The following PSMD3 variants were observed in gnomAD, a reference collection of about 807,000 sequenced individuals.
The protein encoded by PSMD3 is proteasome 26S subunit, non-ATPase 3.
In PSMD3, 5 loss-of-function variants were observed where a neutral mutation model predicts 62.8. That is an observed-to-expected ratio of 0.08 (90% confidence interval 0.04 to 0.17). The LOEUF is 0.17. Among genes scored for constraint, PSMD3 ranks in the 10% least tolerant of loss-of-function variants. The probability of loss-of-function intolerance (pLI) is 1.00; values close to 1 mark genes in which losing one functional copy is unlikely to be tolerated. For synonymous variants in PSMD3, 265 were observed against 283.9 expected, an observed-to-expected ratio of 0.93 and a Z score of 0.67; for missense variants, 524 against 713.6, an observed-to-expected ratio of 0.73 and a Z score of 3.03.
intron 4 of PSMD3, 39 bp from the exon 5 acceptor site, chr17:39,989,700 T>C (rs1980608177): frequency 6.3e-7 from 1 of 1,580,838 alleles, no homozygotes; most frequent in Admixed American, 1.7e-5. Context: ...CAGAGAGTTG[T>C]GATTTGAAGG....
At position 39,995,666 on chromosome 17, in the gene PSMD3, G is replaced by C. The variant is rs1980765141; in HGVS notation, c.1320+139G>C. 1.2e-6 allele frequency: 1 copy of C among 825,978 alleles called. No individual in the cohort carries two copies. The highest frequency in any genetic ancestry group is 1.7e-5 in the African/African-American group (1 of 58,870). 51.2% of individuals were successfully genotyped at this position (825,978 alleles called of 1,614,324 possible). A position where few individuals can be genotyped will look rare whatever the true frequency, so the allele number is the denominator to read the frequency against. On this transcript the variant is annotated intron_variant, in intron 9 of 11. Coordinates refer to ENST00000264639, the MANE Select transcript of PSMD3 (RefSeq NM_002809.4). The surrounding 1 kb of genome is among the most constrained non-coding windows in gnomAD (Gnocchi z 4.1). ...TCATTTCAGGGCGTGCCCGTCATTTGCAGTGAAGCCAAGAAGTTGCCAGAG... is the reference window on the plus strand; with the variant it reads ...TCATTTCAGGGCGTGCCCGTCATTTCCAGTGAAGCCAAGAAGTTGCCAGAG...
chr17:39,988,185 A>G (rs1980571191), intron 3 of PSMD3, among the ~76,000 whole-genome samples: 1 of 152,016 alleles, frequency 6.6e-6, no homozygotes, highest in African/African-American at 2.4e-5. Context: ...ATTCCAGAAC[A>G]TTTTCATCAC....
rs548286285 is a variant in PSMD3, at chr17:39,988,010, G to A, written c.550-673G>A. Among the ~76,000 whole-genome samples the A allele has an allele frequency of 2.6e-5, 4 of 152,358 alleles. No individual in the cohort carries two copies. The South Asian group carries it at 8.3e-4, about 32-fold the overall frequency. On this transcript the variant is annotated intron_variant, in intron 3 of 11. Coordinates refer to ENST00000264639, the MANE Select transcript of PSMD3 (RefSeq NM_002809.4). ...TAGACCCAGCTACTCAGAAGGCTGAGGCAGGGGAATTGCTTGAACCAGGGA... is the reference window on the plus strand; with the variant it reads ...TAGACCCAGCTACTCAGAAGGCTGAAGCAGGGGAATTGCTTGAACCAGGGA...
In PSMD3 at chr17:39,995,315, G is replaced by C; in HGVS notation, c.1216+20G>C. 1 of 1,614,056 alleles carries C rather than the reference G, an allele frequency of 6.2e-7. No individual in the cohort carries two copies. Among genetic ancestry groups the C allele is most frequent in the Non-Finnish European group, 8.5e-7 (1 of 1,180,004 alleles). Reference sequence around the variant, plus strand: ...AGACAGGTGTGGATCAGGATCTGAGGGGCTGTTGGAGGAGCAGAAGCCAGG... The same window carrying C: ...AGACAGGTGTGGATCAGGATCTGAGCGGCTGTTGGAGGAGCAGAAGCCAGG... On this transcript the variant is annotated intron_variant, in intron 8 of 11. Transcript: ENST00000264639. The surrounding 1 kb of genome is among the most constrained non-coding windows in gnomAD (Gnocchi z 4.1).
chr17:39,990,735 C>T (rs1980636531), intron 6 of PSMD3, among the ~76,000 whole-genome samples: 2 of 152,288 alleles, frequency 1.3e-5, no homozygotes, highest in South Asian at 2.1e-4. Context: ...TCATTCCAGG[C>T]TTGGACCTAG....
chr17:39,987,442 G>A (rs1398943389), intron 3 of PSMD3, among the ~76,000 whole-genome samples: 1 of 152,132 alleles, frequency 6.6e-6, no homozygotes, highest in East Asian at 1.9e-4. Context: ...GACCTCCCCG[G>A]CTTAAGTGAT....
intron 6 of PSMD3, among the ~76,000 whole-genome samples, chr17:39,991,591 A>G (rs1980655983): frequency 6.6e-6 from 1 of 152,196 alleles, no homozygotes; most frequent in Non-Finnish European, 1.5e-5. Flanking sequence ...CTCTGCTCCT[A>G]CCTTCACACA....
intron 6 of PSMD3, among the ~76,000 whole-genome samples, chr17:39,990,621 G>C (rs1443715716): frequency 6.6e-6 from 1 of 152,080 alleles, no homozygotes; most frequent in African/African-American, 2.4e-5. Context: ...TCTATTTGTG[G>C]GTGTCAATGA....
At chr17:39,993,097 C>G (rs8073254) in intron 6 of PSMD3, 84,794 of 152,076 alleles carry the variant, frequency 0.56, 23,859 homozygotes, top group Middle Eastern at 0.73. Flanking sequence ...CTAAGTCCAA[C>G]AGCAAAGTGT....
chr17:39,990,253 G>A (rs1209411557), intron 6 of PSMD3, 56 bp downstream of exon 6: 8 of 1,348,276 alleles, frequency 5.9e-6, no homozygotes, highest in South Asian at 1.3e-5. Flanking sequence ...TTTTTAAATG[G>A]TGTCTTGCTA....
intron 6 of PSMD3, among the ~76,000 whole-genome samples, chr17:39,991,068 TC>T (rs140705438): frequency 0.027 from 4,044 of 152,290 alleles, 197 homozygotes; most frequent in African/African-American, 0.093. Context: ...AACCTCTGCC[TC>T]CCGAGTTCAA....
At chr17:39,991,735 A>G (rs550288431) in intron 6 of PSMD3, among the ~76,000 whole-genome samples, 3 of 152,336 alleles carry the variant, frequency 2.0e-5, no homozygotes, top group Admixed American at 6.5e-5. Context: ...ATAATGAAAG[A>G]GAAAGGGTCT....
At position 39,995,056 on chromosome 17, in the gene PSMD3, C is replaced by T; in HGVS notation, c.1084C>T (p.Leu362Phe). The T allele has an allele frequency of 6.2e-7, 1 of 1,614,174 alleles. No homozygotes were observed. The highest frequency in any genetic ancestry group is 8.5e-7 in the Non-Finnish European group (1 of 1,180,038). The change falls in exon 7 of 12, where the codon CTT (leucine) becomes TTT (phenylalanine). Residue 362 changes from leucine to phenylalanine, a missense_variant. By Grantham distance (22) the Leu-to-Phe change is conservative. Transcript: ENST00000264639. This position sits in a 1 kb window ranked among gnomAD's most constrained non-coding sequence, Gnocchi z 4.1. Reference protein sequence around the residue: ...SLKRSLMPYFLLTQAVRTGNL... With the variant: ...SLKRSLMPYFFLTQAVRTGNL... ...CAAGCGCTCACTCATGCCCTATTTC[C>T]TTCTGACTCAAGGTAAGGCTGGCTT...
Position 39,995,240 on chromosome 17 carries a change from A to G in PSMD3, c.1161A>G (p.Gln387=). Residue 387 remains glutamine, a synonymous_variant, in exon 8 of 12, where the codon CAA becomes CAG. Transcript: ENST00000264639. This position sits in a 1 kb window ranked among gnomAD's most constrained non-coding sequence, Gnocchi z 4.1. ...TGGATCAGTTTGGGGAGAAGTTTCA[A>G]GCAGATGGGACCTACACCCTAATTA... is the stretch of plus-strand genomic sequence containing the variant. ...QVLDQFGEKF[Q]ADGTYTLIIR... The G allele has an allele frequency of 6.2e-7, 1 of 1,614,124 alleles. No individual in the cohort carries two copies. Among genetic ancestry groups the G allele is most frequent in the Non-Finnish European group, 8.5e-7 (1 of 1,180,026 alleles).
At chr17:39,986,837 T>G (rs1980537885) in intron 3 of PSMD3, 125 bp downstream of exon 3, 2 of 1,295,384 alleles carry the variant, frequency 1.5e-6, no homozygotes, top group African/African-American at 2.9e-5. Context: ...CCCACACTCT[T>G]TCCCCATAGA....
At chr17:39,987,487 C>T (rs552429359) in intron 3 of PSMD3, among the ~76,000 whole-genome samples, 48 of 152,328 alleles carry the variant, frequency 3.2e-4, no homozygotes, top group African/African-American at 1.1e-3. Context: ...GCTGGGACTA[C>T]AGGCATGTGC....
chr17:39,990,323 A>T, intron 6 of PSMD3, 126 bp downstream of exon 6: 1 of 803,798 alleles, frequency 1.2e-6, no homozygotes. Flanking sequence ...TCAGCTTCCC[A>T]AAGTGCTGGG....
intron 4 of PSMD3, among the ~76,000 whole-genome samples, 200 bp downstream of exon 4, chr17:39,989,019 G>A (rs1980592265): frequency 6.6e-6 from 1 of 152,264 alleles, no homozygotes; most frequent in Non-Finnish European, 1.5e-5. Context: ...TCACTGCTGG[G>A]CTGTAAAGAA....
chr17:39,989,672 G>T, intron 4 of PSMD3, 67 bp from the exon 5 acceptor site: 1 of 1,432,586 alleles, frequency 7.0e-7, no homozygotes, highest in Non-Finnish European at 9.5e-7. Context: ...GAGAAAGAGC[G>T]AAGAGTTAAA....
Sources: gnomAD v4.1 joint callset for allele counts (sites outside exome capture counted in the v4.1 genomes callset) on GRCh38, gnomAD v4.1.1 for gene constraint, Gnocchi (gnomAD v3.1) non-coding constraint, MANE v1.5 for transcripts, NCBI Gene and HGNC (gene_info 2026-07-23, HGNC 2026-07-21) for gene names.